RIMS2: variants seen among roughly 807,000 people sequenced by gnomAD.
RIMS2 encodes the protein regulating synaptic membrane exocytosis protein 2.
In RIMS2, 59 loss-of-function variants were observed where a neutral mutation model predicts 174.4. The ratio of observed to expected loss-of-function variants is 0.34; its 90% CI spans 0.27 to 0.42. The LOEUF (loss-of-function observed/expected upper bound fraction) is 0.42. Ranked by LOEUF, RIMS2 falls within the 10% of genes least tolerant of loss-of-function variation. The probability of loss-of-function intolerance (pLI) is 1.00; values close to 1 mark genes in which losing one functional copy is unlikely to be tolerated. For synonymous variants in RIMS2, 606 were observed against 572.5 expected, an observed-to-expected ratio of 1.06 and a Z score of -0.84; for missense variants, 1,620 against 1,666.3, an observed-to-expected ratio of 0.97 and a Z score of 0.48.
At chr8:104,153,011 G>A (rs940956041) in intron 19 of RIMS2, among the ~76,000 whole-genome samples, 12 of 152,178 alleles carry the variant, frequency 7.9e-5, no homozygotes, top group Admixed American at 1.3e-4. Context: ...TCAGCAAAAC[G>A]GGGTCTTCCT....
chr8:103,989,627 A>G (rs2154550335), intron 17 of RIMS2, among the ~76,000 whole-genome samples: 1 of 152,328 alleles, frequency 6.6e-6, no homozygotes, highest in East Asian at 1.9e-4. Context: ...TAAGAAAAAA[A>G]CAAAATTATC....
rs556027838 is a variant in RIMS2, at chr8:104,224,230, A to C, written c.3335-20686A>C. 2.6e-5 allele frequency among the ~76,000 whole-genome samples: 4 copies of C among 152,292 alleles called. No homozygotes were observed. The South Asian group carries it at 8.3e-4, about 32-fold the overall frequency. On this transcript the variant is annotated intron_variant, in intron 19 of 23. Coordinates refer to ENST00000504942, the Ensembl canonical transcript of RIMS2. ...CAGGAATGTCAGCCTATGAAAACCC[A>C]AGATCGGATGAGGTGAAGGGGTTAC...
intron 1 of RIMS2, among the ~76,000 whole-genome samples, chr8:103,685,974 A>G (rs1390041058): frequency 6.6e-6 from 1 of 152,102 alleles, no homozygotes; most frequent in Non-Finnish European, 1.5e-5. Flanking sequence ...TATTTTTCCT[A>G]TTATTTAGGT....
intron 19 of RIMS2, among the ~76,000 whole-genome samples, 186 bp from the exon 25 acceptor site, chr8:104,148,421 G>A (rs947675784): frequency 6.6e-6 from 1 of 151,938 alleles, no homozygotes; most frequent in African/African-American, 2.4e-5. Context: ...TTGCATATTT[G>A]CTCTAAGGTT....
At chr8:103,711,153 TC>T (rs931443547) in intron 2 of RIMS2, among the ~76,000 whole-genome samples, 48 of 152,326 alleles carry the variant, frequency 3.2e-4, no homozygotes, top group Admixed American at 5.2e-4. Flanking sequence ...GTTCTATTTT[TC>T]AAAAGAAAGG....
intron 3 of RIMS2, among the ~76,000 whole-genome samples, chr8:103,850,317 AT>A (rs1224670141): frequency 6.6e-6 from 1 of 152,072 alleles, no homozygotes; most frequent in Non-Finnish European, 1.5e-5. Context: ...CATTATTCTT[AT>A]GCAATGAGTA....
chr8:103,807,067 A>G (rs1324001166), intron 3 of RIMS2, among the ~76,000 whole-genome samples: 1 of 152,122 alleles, frequency 6.6e-6, no homozygotes, highest in Non-Finnish European at 1.5e-5. Context: ...TACAGAAGAT[A>G]TTTAAAGCCA....
At chr8:103,854,568 T>C (rs2099016937) in intron 3 of RIMS2, among the ~76,000 whole-genome samples, 2 of 151,440 alleles carry the variant, frequency 1.3e-5, no homozygotes, top group East Asian at 1.9e-4. Flanking sequence ...TTTTTTTTAA[T>C]CATGAAGAGA....
chr8:104,175,701 A>C (rs1389795389), intron 19 of RIMS2, among the ~76,000 whole-genome samples: 1 of 152,292 alleles, frequency 6.6e-6, no homozygotes, highest in Non-Finnish European at 1.5e-5. Flanking sequence ...AAGAACAGAG[A>C]CTAAAAGAGA....
intron 19 of RIMS2, among the ~76,000 whole-genome samples, chr8:104,034,722 AG>A (rs1383616089): frequency 6.6e-6 from 1 of 151,968 alleles, no homozygotes; most frequent in African/African-American, 2.4e-5. Flanking sequence ...CACCCACCTC[AG>A]CCTCCCAAAG....
chr8:103,692,141 C>T (rs565095886), intron 1 of RIMS2, among the ~76,000 whole-genome samples: 15 of 152,252 alleles, frequency 9.9e-5, no homozygotes, highest in South Asian at 4.1e-4. Context: ...AATGAGACTG[C>T]GCTGGGTCAG....
At chr8:103,918,939 G>A (rs2077106224) in intron 9 of RIMS2, among the ~76,000 whole-genome samples, 1 of 152,066 alleles carries the variant, frequency 6.6e-6, no homozygotes, top group Non-Finnish European at 1.5e-5. Flanking sequence ...ATAAACTAGT[G>A]AATAATTACA....
At chr8:103,692,402 G>C (rs527992033) in intron 1 of RIMS2, among the ~76,000 whole-genome samples, 93 of 152,304 alleles carry the variant, frequency 6.1e-4, no homozygotes, top group African/African-American at 1.6e-3. Context: ...TACTGTGCCT[G>C]AGCTGGACCC....
chr8:104,094,602 T>G, intron 19 of RIMS2: 1 of 701,756 alleles, frequency 1.4e-6, no homozygotes, highest in African/African-American at 1.8e-5. Flanking sequence ...TGCCAAAACG[T>G]GTAATAAGGA....
intron 19 of RIMS2, among the ~76,000 whole-genome samples, chr8:104,152,541 G>GA (rs2098696125): frequency 6.6e-6 from 1 of 151,600 alleles, no homozygotes; most frequent in South Asian, 2.1e-4. Flanking sequence ...ATTTTCTTAA[G>GA]AAAAAAATGG....
At chr8:103,580,040 C>T (rs886179133) in intron 1 of RIMS2, among the ~76,000 whole-genome samples, 3 of 152,108 alleles carry the variant, frequency 2.0e-5, no homozygotes, top group Admixed American at 2.0e-4. Context: ...TCTCCTCCAA[C>T]ACTGAGAATT....
intron 1 of RIMS2, among the ~76,000 whole-genome samples, chr8:103,572,205 G>T (rs1352942866): frequency 6.6e-6 from 1 of 152,144 alleles, no homozygotes; most frequent in Non-Finnish European, 1.5e-5. Flanking sequence ...TCTTAAAGGT[G>T]CCGCGGACCC....
chr8:103,606,842 T>C lies in RIMS2; in HGVS notation c.177-90244T>C, dbSNP rs539438320. Among the ~76,000 whole-genome samples, 34 of 151,642 alleles carry C rather than the reference T, an allele frequency of 2.2e-4. No homozygotes were observed. In the East Asian group the frequency reaches 5.8e-3, roughly 26 times the overall value. On this transcript the variant is annotated intron_variant, in intron 1 of 23. Transcript: ENST00000504942. The stretch of plus-strand genomic sequence containing the variant: ...TTGCAACCCCTGCCTTTTTTTGTTT[T>C]CCATTTGCTTGGTAGATCTTCCTCC...
chr8:103,945,828 A>G (rs2083607517), intron 14 of RIMS2, among the ~76,000 whole-genome samples: 1 of 152,062 alleles, frequency 6.6e-6, no homozygotes, highest in Non-Finnish European at 1.5e-5. Context: ...TAGGCATAGA[A>G]GAGAACTTTC....
Sources: allele counts gnomAD v4.1 joint callset (sites outside exome capture counted in the v4.1 genomes callset), GRCh38; gene constraint gnomAD v4.1.1; transcripts MANE v1.5; gene names NCBI Gene and HGNC (gene_info 2026-07-23, HGNC 2026-07-21).